HEMK2: variants seen among roughly 807,000 people sequenced by gnomAD.
HEMK2 encodes methyltransferase HEMK2.
chr21:28,586,046 A>C, the HEMK2 span, among the ~76,000 whole-genome samples: 107,434 of 151,946 alleles, frequency 0.71, 38,704 homozygotes, highest in South Asian at 0.78. Flanking sequence ...AAATGCTAGG[A>C]GAAAGATAGA....
chr21:28,722,227 A>C, the HEMK2 span, among the ~76,000 whole-genome samples: 1 of 152,100 alleles, frequency 6.6e-6, no homozygotes, highest in Non-Finnish European at 1.5e-5. Flanking sequence ...AAAATTGATA[A>C]AAGAGAATAC....
the HEMK2 span, among the ~76,000 whole-genome samples, chr21:28,591,315 A>G: frequency 1.2e-3 from 176 of 152,288 alleles, 1 homozygote; most frequent in Admixed American, 9.4e-3. Context: ...AAAATGCCAT[A>G]TATATGCTGT....
chr21:28,755,627 T>G, the HEMK2 span, among the ~76,000 whole-genome samples: 1 of 152,220 alleles, frequency 6.6e-6, no homozygotes, highest in East Asian at 1.9e-4. Flanking sequence ...GTCTAGCAAT[T>G]GTGAGGAAGA....
At chr21:28,796,442 A>G in the HEMK2 span, among the ~76,000 whole-genome samples, 2 of 152,200 alleles carry the variant, frequency 1.3e-5, no homozygotes, top group East Asian at 3.9e-4. Context: ...ACCCAGCCAA[A>G]TAAATGTATT....
the HEMK2 span, among the ~76,000 whole-genome samples, chr21:28,852,249 C>T: frequency 1.3e-5 from 2 of 152,264 alleles, no homozygotes; most frequent in East Asian, 1.9e-4. Flanking sequence ...CATAATAGCC[C>T]TCACCCTATC....
the HEMK2 span, among the ~76,000 whole-genome samples, chr21:28,580,690 G>A: frequency 1.3e-5 from 2 of 151,994 alleles, no homozygotes. Flanking sequence ...TACACACTCA[G>A]CCTCCTCCAT....
chr21:28,583,012 C>G, the HEMK2 span, among the ~76,000 whole-genome samples: 4 of 152,136 alleles, frequency 2.6e-5, no homozygotes, highest in African/African-American at 9.7e-5. Context: ...AAATGTGGTA[C>G]TATCAATGCT....
chr21:28,750,655 C>A, the HEMK2 span, among the ~76,000 whole-genome samples: 2 of 147,592 alleles, frequency 1.4e-5, no homozygotes, highest in Non-Finnish European at 1.5e-5. Flanking sequence ...GAGCAGAGAT[C>A]GCACCGTTGC....
the HEMK2 span, among the ~76,000 whole-genome samples, chr21:28,738,649 G>A: frequency 3.3e-5 from 5 of 152,162 alleles, no homozygotes; most frequent in Admixed American, 3.3e-4. Flanking sequence ...CCTTCTCCCT[G>A]GGGGCTCTTT....
At chr21:28,860,005 T>G in the HEMK2 span, among the ~76,000 whole-genome samples, 1 of 152,212 alleles carries the variant, frequency 6.6e-6, no homozygotes, top group African/African-American at 2.4e-5. Context: ...TATTTGAAGA[T>G]AATGCATGAT....
the HEMK2 span, among the ~76,000 whole-genome samples, chr21:28,701,164 T>A: frequency 2.0e-5 from 3 of 152,206 alleles, no homozygotes; most frequent in Admixed American, 6.5e-5. Context: ...AACAGCCATC[T>A]ATGACAAAGC....
At chr21:28,647,508 C>CAAAA in the HEMK2 span, among the ~76,000 whole-genome samples, 2 of 111,858 alleles carry the variant, frequency 1.8e-5, no homozygotes, top group East Asian at 5.1e-4. Flanking sequence ...AACTCCATCT[C>CAAAA]AAAAAAAAAA....
the HEMK2 span, among the ~76,000 whole-genome samples, chr21:28,826,162 A>C: frequency 3.3e-5 from 5 of 152,362 alleles, 1 homozygote; most frequent in South Asian, 2.1e-4. Flanking sequence ...AGAACCATCC[A>C]GACACCCCGT....
chr21:28,577,234 T>C, the HEMK2 span: 2 of 152,082 alleles, frequency 1.3e-5, no homozygotes, highest in African/African-American at 4.8e-5. Flanking sequence ...AGTTTTAAAA[T>C]CCAAGGCCAG....
chr21:28,845,826 C>A, the HEMK2 span, among the ~76,000 whole-genome samples: 1 of 151,848 alleles, frequency 6.6e-6, no homozygotes. Context: ...TCAAGGGGTA[C>A]GTGTGCAGAT....
At chr21:28,720,238 T>G in the HEMK2 span, among the ~76,000 whole-genome samples, 2 of 152,230 alleles carry the variant, frequency 1.3e-5, no homozygotes, top group African/African-American at 4.8e-5. Context: ...GATGATCAGA[T>G]AGTGAACATA....
At chr21:28,622,551 G>A in the HEMK2 span, among the ~76,000 whole-genome samples, 1 of 152,114 alleles carries the variant, frequency 6.6e-6, no homozygotes, top group South Asian at 2.1e-4. Flanking sequence ...AACGAAGCTG[G>A]AGGCATCACA....
chr21:28,852,710 G>A, the HEMK2 span, among the ~76,000 whole-genome samples: 1 of 152,100 alleles, frequency 6.6e-6, no homozygotes, highest in African/African-American at 2.4e-5. Context: ...ATTGATTGAC[G>A]GGCCATGATT....
the HEMK2 span, among the ~76,000 whole-genome samples, chr21:28,605,048 T>C: frequency 6.6e-6 from 1 of 152,198 alleles, no homozygotes; most frequent in African/African-American, 2.4e-5. Context: ...TCATGTAGGA[T>C]TGATCCACAT....
Sources: gnomAD v4.1 joint callset for allele counts (sites outside exome capture counted in the v4.1 genomes callset) on GRCh38, gnomAD v4.1.1 for gene constraint, MANE v1.5 for transcripts, NCBI Gene and HGNC (gene_info 2026-07-23, HGNC 2026-07-21) for gene names.